NYAP2: variants seen among roughly 807,000 people sequenced by gnomAD.
NYAP2 encodes neuronal tyrosine-phosphorylated phosphoinositide-3-kinase adaptor 2.
Under a neutral mutation model 50.4 loss-of-function variants are expected in NYAP2, and 23 were observed. That is an observed-to-expected ratio of 0.46 (90% CI 0.33 to 0.65). The LOEUF is 0.65. Ranked by LOEUF, NYAP2 falls within the 30% of genes least tolerant of loss-of-function variation. The pLI, the probability that NYAP2 is intolerant of heterozygous loss-of-function variation, is 0.02. For synonymous variants in NYAP2, 394 were observed against 365.2 expected (o/e 1.08, Z -0.90); for missense variants, 885 against 861.0 (o/e 1.03, Z -0.35).
chr2:225,702,366 C>A, the NYAP2 span: 5 of 151,692 alleles, frequency 3.3e-5, no homozygotes, highest in Admixed American at 3.3e-4. Flanking sequence ...TTTAAAAATT[C>A]TAAAGCACTT....
chr2:225,399,094 C>A (rs112458333), upstream of NYAP2, among the ~76,000 whole-genome samples: 2 of 151,934 alleles, frequency 1.3e-5, no homozygotes, highest in African/African-American at 2.4e-5. Flanking sequence ...GGAAAACCAA[C>A]CTGCAAGTGA....
intron 3 of NYAP2, among the ~76,000 whole-genome samples, chr2:225,485,593 G>T (rs560031113): frequency 6.6e-6 from 1 of 152,292 alleles, no homozygotes; most frequent in Non-Finnish European, 1.5e-5. Context: ...AGGAGCCAGA[G>T]ATTATTGGTG....
chr2:225,669,250 T>C, the NYAP2 span, among the ~76,000 whole-genome samples: 2 of 152,094 alleles, frequency 1.3e-5, no homozygotes, highest in Admixed American at 1.3e-4. Context: ...TCTTTCTTTT[T>C]ACAAAAGAGA....
chr2:225,628,255 G>T (rs536579336), intron 6 of NYAP2, among the ~76,000 whole-genome samples: 1 of 149,932 alleles, frequency 6.7e-6, no homozygotes, highest in Non-Finnish European at 1.5e-5. Context: ...TGATAGTAAA[G>T]TATAAATTGC....
In NYAP2 at chr2:225,520,508, G is replaced by A. The variant is rs1214833780; in HGVS notation, c.523+6836G>A. Among the ~76,000 whole-genome samples, 491 of 151,966 alleles carry A rather than the reference G, an allele frequency of 3.2e-3. 1 individual carries two copies. The highest frequency in any genetic ancestry group is 0.011 in the African/African-American group (469 of 41,338). ...CTACATATGGCTAGCCAGTTTTCCT[G>A]GCACCATTTATTAAATAGGGAATCC... On this transcript the variant is annotated intron_variant, in intron 4 of 6. Coordinates refer to ENST00000636099, the Ensembl canonical transcript of NYAP2.
chr2:225,581,945 A>G (rs1040740988), exon 5 of NYAP2: 4 of 1,590,770 alleles, frequency 2.5e-6, no homozygotes, highest in Non-Finnish European at 3.4e-6. Context: ...TTTTAGCGTC[A>G]GCTAAACCAA....
At position 225,582,511 on chromosome 2, in the gene NYAP2, T is replaced by C; in HGVS notation, c.1094T>C (p.Val365Ala). ...CCTCTGGAGGTCACGAAGCTTCCCG[T>C]GCTGGAAAACGTGTCTTACATGAAA... The change falls in exon 5 of 7, where the codon GTG (valine) becomes GCG (alanine). Residue 365 changes from valine to alanine, a missense_variant. By Grantham distance (64) the Val-to-Ala change is moderately conservative (BLOSUM62 0). Coordinates refer to ENST00000636099, the Ensembl canonical transcript of NYAP2. The surrounding 1 kb of genome is among the most constrained non-coding windows in gnomAD (Gnocchi z 7.0). 1 of 1,499,882 alleles carries C rather than the reference T, an allele frequency of 6.7e-7. No homozygotes were observed. The highest frequency in any genetic ancestry group is 1.5e-5 in the African/African-American group (1 of 68,730). The allele number at this position is 1,499,882 out of a possible 1,614,324, so 92.9% of individuals were successfully genotyped here. A position where few individuals can be genotyped will look rare whatever the true frequency, so the allele number is the denominator to read the frequency against.
chr2:225,559,276 C>G (rs940740251), intron 4 of NYAP2, among the ~76,000 whole-genome samples: 2 of 151,576 alleles, frequency 1.3e-5, no homozygotes. Flanking sequence ...AAAAGCTTGC[C>G]AACTCCATCG....
chr2:225,657,001 G>A (rs571980175), downstream of NYAP2, among the ~76,000 whole-genome samples: 1 of 151,828 alleles, frequency 6.6e-6, no homozygotes, highest in East Asian at 1.9e-4. Context: ...TAGTACATTT[G>A]CACATAAAAC....
intron 3 of NYAP2, among the ~76,000 whole-genome samples, chr2:225,498,351 A>AT (rs113961224): frequency 0.012 from 1,760 of 150,680 alleles, 26 homozygotes; most frequent in African/African-American, 0.04. Flanking sequence ...ATAACTTGAG[A>AT]TTTTTTTTTT....
chr2:225,630,619 T>C (rs1693290088), intron 6 of NYAP2, among the ~76,000 whole-genome samples: 1 of 152,228 alleles, frequency 6.6e-6, no homozygotes, highest in Non-Finnish European at 1.5e-5. Context: ...CAAAAGCCTA[T>C]TAGCAGGGAT....
chr2:225,540,208 T>G (rs1691433732), intron 4 of NYAP2, among the ~76,000 whole-genome samples: 1 of 152,230 alleles, frequency 6.6e-6, no homozygotes, highest in African/African-American at 2.4e-5. Flanking sequence ...AACCTCTGCC[T>G]GTTACCCAGT....
chr2:225,460,454 T>C (rs1296012990), intron 3 of NYAP2, among the ~76,000 whole-genome samples: 1 of 152,222 alleles, frequency 6.6e-6, no homozygotes, highest in Non-Finnish European at 1.5e-5. Context: ...GTTTATTGTT[T>C]CATGCTGGGA....
At chr2:225,636,820 C>T (rs1482712801) in intron 6 of NYAP2, among the ~76,000 whole-genome samples, 3 of 152,140 alleles carry the variant, frequency 2.0e-5, no homozygotes, top group African/African-American at 7.2e-5. Context: ...TGATGAAGTA[C>T]AATAGAGGAG....
chr2:225,402,197 T>C lies in NYAP2; in HGVS notation c.-18+1154T>C, dbSNP rs867002875. On this transcript the variant is annotated intron_variant, in intron 2 of 6. Transcript: ENST00000636099. Reference sequence around the variant, plus strand: ...GTGGAAACAGACCAGAGGAAAATATTACAACTGCACAAGGGACAGTGGAGA... The same window carrying C: ...GTGGAAACAGACCAGAGGAAAATATCACAACTGCACAAGGGACAGTGGAGA... Among the ~76,000 whole-genome samples, 4 of 152,014 alleles carry C rather than the reference T, an allele frequency of 2.6e-5. No individual in the cohort carries two copies. In the South Asian group the frequency reaches 8.3e-4, roughly 31 times the overall value.
intron 3 of NYAP2, among the ~76,000 whole-genome samples, chr2:225,493,069 C>T (rs1490318528): frequency 6.6e-6 from 1 of 151,948 alleles, no homozygotes; most frequent in Non-Finnish European, 1.5e-5. Context: ...TCACTGCAGC[C>T]TTACCTCCCA....
chr2:225,532,719 C>T (rs1313647681), intron 4 of NYAP2, among the ~76,000 whole-genome samples: 2 of 152,004 alleles, frequency 1.3e-5, no homozygotes, highest in Non-Finnish European at 2.9e-5. Context: ...AACCCTATAG[C>T]ATATTAGGAA....
At chr2:225,677,855 G>T in the NYAP2 span, among the ~76,000 whole-genome samples, 306 of 152,122 alleles carry the variant, frequency 2.0e-3, 2 homozygotes, top group African/African-American at 6.9e-3. Flanking sequence ...TGATCATCAG[G>T]GATATTGGCA....
At position 225,644,048 on chromosome 2, in the gene NYAP2, A is replaced by C. The variant is rs1374299226; in HGVS notation, c.1829-7384A>C. ...ACTTCCACAATGGTTGAACTAGTTT[A>C]CAGTCCCACCAACAGTGTAAAAGTG... On this transcript the variant is annotated intron_variant, in intron 6 of 6. Transcript: ENST00000636099. 6.7e-5 allele frequency among the ~76,000 whole-genome samples: 10 copies of C among 149,004 alleles called. No individual in the cohort carries two copies. In the South Asian group the frequency reaches 1.1e-3, roughly 16 times the overall value.
Sources: gnomAD v4.1 joint callset for allele counts (sites outside exome capture counted in the v4.1 genomes callset) on GRCh38, gnomAD v4.1.1 for gene constraint, Gnocchi (gnomAD v3.1) non-coding constraint, MANE v1.5 for transcripts, NCBI Gene and HGNC (gene_info 2026-07-23, HGNC 2026-07-21) for gene names.